Variants in TSFM observed in about 807,000 individuals in gnomAD.
The protein encoded by TSFM is elongation factor Ts, mitochondrial.
TSFM carries 29 observed loss-of-function variants against 33.4 expected under a neutral mutation model. The ratio of observed to expected loss-of-function variants is 0.87; its 90% CI spans 0.65 to 1.18. The LOEUF is 1.18. Ranked by LOEUF, TSFM falls within the 50% of genes most tolerant of loss-of-function variation. The probability of loss-of-function intolerance (pLI) is 0.00; values close to 1 mark genes in which losing one functional copy is unlikely to be tolerated. For missense variants in TSFM, 394 were observed against 395.6 expected (o/e 1.00, Z 0.04); for synonymous variants, 178 against 163.5 (o/e 1.09, Z -0.68).
chr12:57,783,817 T>G lies in TSFM; in HGVS notation c.231+534T>G. 1.6e-5 allele frequency: 10 copies of G among 622,138 alleles called. No individual in the cohort carries two copies. The South Asian group carries it at 1.9e-4, about 12-fold the overall frequency. The allele number at this position is 622,138 out of a possible 1,614,324, so 38.5% of individuals were successfully genotyped here. On this transcript the variant is annotated intron_variant, in intron 2 of 5. Coordinates refer to ENST00000652027, the MANE Select transcript of TSFM (RefSeq NM_005726.6). The stretch of plus-strand genomic sequence containing the variant: ...TTTTAGTAGAGATGGGGTTTCGCCG[T>G]GTCGGCCAGGCTGGTCTCGAACTCC...
intron 5 of TSFM, among the ~76,000 whole-genome samples, chr12:57,794,882 C>T (rs949450386): frequency 6.6e-6 from 1 of 151,832 alleles, no homozygotes; most frequent in African/African-American, 2.4e-5. Flanking sequence ...GCCTTAGCCT[C>T]CTGAGTAGCT....
chr12:57,795,538 A>G (rs1955722760), intron 5 of TSFM, among the ~76,000 whole-genome samples: 1 of 152,218 alleles, frequency 6.6e-6, no homozygotes, highest in Non-Finnish European at 1.5e-5. Flanking sequence ...CCGAGGTCAT[A>G]TAGTCAGTAA....
chr12:57,797,229 T>C lies in TSFM; in HGVS notation c.*646T>C. ...GCTGTAAGGCAGATTTTGACATTCTTGTGCCAGAAACAGAAATTAGAGTAG... is the reference window on the plus strand; with the variant it reads ...GCTGTAAGGCAGATTTTGACATTCTCGTGCCAGAAACAGAAATTAGAGTAG... On this transcript the variant is annotated 3_prime_UTR_variant, in exon 6 of 6. Transcript: ENST00000652027. 1.0e-6 allele frequency: 1 copy of C among 985,468 alleles called. No individual in the cohort carries two copies. Among genetic ancestry groups the C allele is most frequent in the Non-Finnish European group, 1.2e-6 (1 of 829,940 alleles). 61.0% of individuals were successfully genotyped at this position (985,468 alleles called of 1,614,324 possible).
In TSFM at chr12:57,796,556, A is replaced by G. The variant is rs374138262; in HGVS notation, c.951A>G (p.Glu317=). 2 of 1,440,882 alleles carry G rather than the reference A, an allele frequency of 1.4e-6. No individual in the cohort carries two copies. The highest frequency in any genetic ancestry group is 1.8e-6 in the Non-Finnish European group (2 of 1,091,402). The allele number at this position is 1,440,882 out of a possible 1,614,324, so 89.3% of individuals were successfully genotyped here. A position where few individuals can be genotyped will look rare whatever the true frequency, so the allele number is the denominator to read the frequency against. Residue 317 remains glutamate, a synonymous_variant, in exon 6 of 6, where the codon GAA becomes GAG. Coordinates refer to ENST00000652027, the MANE Select transcript of TSFM (RefSeq NM_005726.6). ...ACTTTGTGCGGTTTGAATGTGGAGA[A>G]GGTGAAGAGGCAGCAGAAACTGAAT... The part of the protein sequence containing the change: ...VVDFVRFECG[E]GEEAAETE
At chr12:57,801,412 G>T, downstream of TSFM, 1 of 455,058 alleles carries the variant, frequency 2.2e-6, no homozygotes, top group South Asian at 2.4e-5. Flanking sequence ...TTCTTTGATG[G>T]TAACCCCTCA....
At chr12:57,796,079 G>T in intron 5 of TSFM, 98 bp from the exon 6 acceptor site, 1 of 1,074,368 alleles carries the variant, frequency 9.3e-7, no homozygotes, top group Non-Finnish European at 1.3e-6. Context: ...AATGCAAAGG[G>T]ACTGTCTTCC....
chr12:57,783,641 C>G (rs1409991964), intron 2 of TSFM: 3 of 570,988 alleles, frequency 5.3e-6, no homozygotes, highest in Non-Finnish European at 1.0e-5. Context: ...TGGCCCAGGC[C>G]GGCGTGCAAT....
chr12:57,783,059 C>T (rs921648407), intron 1 of TSFM, 51 bp from the exon 2 acceptor site: 100 of 1,573,574 alleles, frequency 6.4e-5, no homozygotes, highest in Non-Finnish European at 7.8e-5. Context: ...TACCCTTCAC[C>T]CTCTGGAGTT....
At chr12:57,786,679 G>A (rs1365664835) in intron 3 of TSFM, among the ~76,000 whole-genome samples, 1 of 152,242 alleles carries the variant, frequency 6.6e-6, no homozygotes, top group Non-Finnish European at 1.5e-5. Flanking sequence ...GATTAGTTTA[G>A]AGTGAGAGAT....
rs150330626 is a variant in TSFM at position 57,789,243 on chromosome 12, C to T, written c.483+2081C>T. Among the ~76,000 whole-genome samples the T allele has an allele frequency of 7.4e-3, 1,124 of 152,046 alleles. 21 individuals carry two copies. The highest frequency in any genetic ancestry group is 0.069 in the South Asian group (329 of 4,802). ...CCTCCCAAAGTGCTGGGATTACAGG[C>T]GTGAGCCACTGCACCCGGTCATCAT... On this transcript the variant is annotated intron_variant, in intron 4 of 5. Coordinates refer to ENST00000652027, the MANE Select transcript of TSFM (RefSeq NM_005726.6).
chr12:57,798,112 A>G (rs541374246), downstream of TSFM: 1 of 564,154 alleles, frequency 1.8e-6, no homozygotes, highest in East Asian at 3.3e-5. Flanking sequence ...GGGAAGTAGA[A>G]TGAATTTCTC....
intron 4 of TSFM, among the ~76,000 whole-genome samples, chr12:57,788,438 G>C (rs983222556): frequency 6.6e-6 from 1 of 151,794 alleles, no homozygotes; most frequent in Non-Finnish European, 1.5e-5. Context: ...CACCACACAC[G>C]CCTAGTATTT....
chr12:57,792,892 A>G, intron 4 of TSFM, 94 bp from the exon 5 acceptor site: 16 of 1,304,028 alleles, frequency 1.2e-5, no homozygotes, highest in Non-Finnish European at 1.6e-5. Context: ...ACGCCTGGCC[A>G]ATACTTTTCT....
chr12:57,783,549 T>C, intron 2 of TSFM: 1 of 654,932 alleles, frequency 1.5e-6, no homozygotes, highest in East Asian at 3.3e-5. Flanking sequence ...TGGAGTCAGA[T>C]TGTTCAGGAG....
chr12:57,790,065 T>C lies in TSFM; in HGVS notation c.483+2903T>C, dbSNP rs867052558. ...GTGTGCTGATTTCTTTCTTTCTTTT[T>C]TTTTTTTTTTTTTTTTGAGACAGAG... On this transcript the variant is annotated intron_variant, in intron 4 of 5. Transcript: ENST00000652027. Among the ~76,000 whole-genome samples the C allele has an allele frequency of 6.4e-3, 926 of 144,014 alleles. 8 individuals carry two copies. The highest frequency in any genetic ancestry group is 0.021 in the African/African-American group (825 of 39,034). 94.5% of individuals were successfully genotyped at this position (144,014 alleles called of 152,430 possible). A position where few individuals can be genotyped will look rare whatever the true frequency, so the allele number is the denominator to read the frequency against.
Position 57,793,028 on chromosome 12 carries a change from C to T in TSFM, c.526C>T (p.Pro176Ser). The change falls in exon 5 of 6, where the codon CCT (proline) becomes TCT (serine). Residue 176 changes from proline to serine, a missense_variant. Transcript: ENST00000652027. ...SSELSGLPAG[P>S]DREGSLKDQL... ...TGAGCTTTCTGGACTTCCAGCTGGG[C>T]CTGACAGAGAAGGCTCACTCAAGGA... The T allele has an allele frequency of 6.2e-7, 1 of 1,613,732 alleles. No homozygotes were observed. Among genetic ancestry groups the T allele is most frequent in the Non-Finnish European group, 8.5e-7 (1 of 1,179,732 alleles).
intron 2 of TSFM, among the ~76,000 whole-genome samples, chr12:57,785,034 C>A (rs529018009): frequency 6.4e-4 from 91 of 141,284 alleles, no homozygotes; most frequent in African/African-American, 2.3e-3. Context: ...TCACACCATT[C>A]TCCTGCCTCA....
At position 57,787,172 on chromosome 12, in the gene TSFM, G is replaced by A. The variant is rs371686338; in HGVS notation, c.483+10G>A. ...CTCTGCATACAGTAAAGTAAGTTTGGGATTTGTCTCCAGTGTGCTGAATTT... is the reference window on the plus strand; with the variant it reads ...CTCTGCATACAGTAAAGTAAGTTTGAGATTTGTCTCCAGTGTGCTGAATTT... On this transcript the variant is annotated intron_variant, in intron 4 of 5. Transcript: ENST00000652027. 6.4e-7 allele frequency: 1 copy of A among 1,556,186 alleles called. No homozygotes were observed. The highest frequency in any genetic ancestry group is 8.7e-7 in the Non-Finnish European group (1 of 1,149,050).
At chr12:57,789,099 TTACAGGCA>T (rs1247067693) in intron 4 of TSFM, among the ~76,000 whole-genome samples, 2 of 151,852 alleles carry the variant, frequency 1.3e-5, no homozygotes, top group African/African-American at 2.4e-5. Flanking sequence ...GTAGCTGGGA[TTACAGGCA>T]CCTGCCATCA....
Sources: gnomAD v4.1 joint callset for allele counts (sites outside exome capture counted in the v4.1 genomes callset) on GRCh38, gnomAD v4.1.1 for gene constraint, MANE v1.5 for transcripts, NCBI Gene and HGNC (gene_info 2026-07-23, HGNC 2026-07-21) for gene names.